PRH1: variants seen among roughly 807,000 people sequenced by gnomAD.
PRH1 encodes salivary acidic proline-rich phosphoprotein 1/2.
Under a neutral mutation model 7.9 loss-of-function variants are expected in PRH1, and 7 were observed. The observed-to-expected ratio is 0.89, with a 90% CI of 0.50 to 1.67. The LOEUF (loss-of-function observed/expected upper bound fraction) is 1.67. PRH1 is among the 40% of genes most tolerant of loss of function. The pLI, the probability that PRH1 is intolerant of heterozygous loss-of-function variation, is 0.00. For synonymous variants in PRH1, 45 were observed against 80.8 expected, an observed-to-expected ratio of 0.56 and a Z score of 2.38; for missense variants, 109 against 223.6, an observed-to-expected ratio of 0.49 and a Z score of 3.27.
At chr12:10,969,003 G>GGCTCCTGA (rs1938655099) in intron 2 of PRH1, among the ~76,000 whole-genome samples, 1 of 152,202 alleles carries the variant, frequency 6.6e-6, no homozygotes, top group South Asian at 2.1e-4. Context: ...CTGCATTCCT[G>GGCTCCTGA]GCTCCTGAGC....
chr12:11,170,237 C>A (rs1490030256), intron 1 of PRH1, among the ~76,000 whole-genome samples: 1 of 152,214 alleles, frequency 6.6e-6, no homozygotes, highest in Middle Eastern at 3.2e-3. Flanking sequence ...TGCTGTTACT[C>A]TAATGGTATT....
exon 1 of PRH1, chr12:11,171,438 T>C (rs1309409574): frequency 8.1e-7 from 1 of 1,232,036 alleles, no homozygotes; most frequent in Non-Finnish European, 1.0e-6. Context: ...CGGCGTCTTC[T>C]GCAAGGGGCT....
At chr12:11,045,506 T>C (rs985228811) in intron 1 of PRH1, among the ~76,000 whole-genome samples, 1 of 152,114 alleles carries the variant, frequency 6.6e-6, no homozygotes, top group Admixed American at 6.5e-5. Context: ...TGACATTGCA[T>C]GCCTGTATCA....
At chr12:11,014,255 A>G (rs372146389) in intron 1 of PRH1, among the ~76,000 whole-genome samples, 12 of 150,464 alleles carry the variant, frequency 8.0e-5, no homozygotes, top group African/African-American at 2.9e-4. Flanking sequence ...GCAGTCTGAT[A>G]TTTTCAGTTT....
At chr12:11,130,734 C>G (rs1379263842) in intron 1 of PRH1, among the ~76,000 whole-genome samples, 2 of 152,156 alleles carry the variant, frequency 1.3e-5, no homozygotes, top group African/African-American at 4.8e-5. Flanking sequence ...CCCTCTTCAG[C>G]AGAGGGAATG....
At chr12:10,928,889 A>G (rs527811340) in intron 2 of PRH1, among the ~76,000 whole-genome samples, 1 of 152,332 alleles carries the variant, frequency 6.6e-6, no homozygotes, top group Non-Finnish European at 1.5e-5. Context: ...AAACTCACAT[A>G]CACACAAATG....
intron 1 of PRH1, among the ~76,000 whole-genome samples, chr12:11,016,675 G>A (rs1941312640): frequency 6.6e-6 from 1 of 152,314 alleles, no homozygotes; most frequent in Non-Finnish European, 1.5e-5. Flanking sequence ...ATGCTACCTA[G>A]AGTTTTGACT....
chr12:10,899,532 A>T (rs1949695770), intron 2 of PRH1, among the ~76,000 whole-genome samples: 1 of 152,092 alleles, frequency 6.6e-6, no homozygotes, highest in African/African-American at 2.4e-5. Flanking sequence ...TAGGGGAATG[A>T]GTTGTTTTTC....
At position 11,081,105 on chromosome 12, in the gene PRH1, T is replaced by C. The variant is rs766253999; in HGVS notation, n.124-33917A>G. Among the ~76,000 whole-genome samples the C allele has an allele frequency of 1.9e-4, 22 of 116,716 alleles. 5 individuals carry two copies. Among genetic ancestry groups the C allele is most frequent in the Admixed American group, 3.4e-4 (4 of 11,650 alleles). The allele number at this position is 116,716 out of a possible 152,430, so 76.6% of individuals were successfully genotyped here. ...TTGCTCTATTTTCTCCCCTCTACTG[T>C]TACAGAACTCCAGAAGTATGTTAGG... On this transcript the variant is annotated intron_variant and non_coding_transcript_variant, in intron 1 of 4. Transcript: ENST00000541977.
intron 1 of PRH1, among the ~76,000 whole-genome samples, chr12:11,005,092 A>G (rs980875389): frequency 6.6e-6 from 1 of 152,124 alleles, no homozygotes; most frequent in African/African-American, 2.4e-5. Context: ...TGTTCTTTTT[A>G]AATTCTCTGA....
chr12:11,141,197 T>G (rs1027678633), intron 1 of PRH1, among the ~76,000 whole-genome samples: 17 of 152,202 alleles, frequency 1.1e-4, no homozygotes, highest in Non-Finnish European at 1.5e-4. Context: ...ATTTTCAATA[T>G]TTATCAAACT....
At chr12:11,108,290 A>G (rs913805142) in intron 1 of PRH1, among the ~76,000 whole-genome samples, 8 of 152,206 alleles carry the variant, frequency 5.3e-5, no homozygotes, top group Admixed American at 5.2e-4. Flanking sequence ...GACTAATATA[A>G]CACTGTAAAT....
At chr12:10,969,973 G>T (rs925327736) in intron 2 of PRH1, among the ~76,000 whole-genome samples, 4 of 152,104 alleles carry the variant, frequency 2.6e-5, no homozygotes, top group Admixed American at 6.5e-5. Context: ...GCTAATTTTT[G>T]TATTTTTAAG....
chr12:11,071,149 CA>C (rs1944049303), intron 1 of PRH1, among the ~76,000 whole-genome samples: 1 of 124,994 alleles, frequency 8.0e-6, no homozygotes, highest in Non-Finnish European at 1.9e-5. Context: ...TGAGAACTGA[CA>C]GTCAATTTGC....
intron 1 of PRH1, among the ~76,000 whole-genome samples, chr12:11,147,009 T>A (rs1350228854): frequency 1.3e-5 from 2 of 152,206 alleles, no homozygotes; most frequent in East Asian, 3.8e-4. Flanking sequence ...CTTACCTCCT[T>A]CTTTTTCCAA....
chr12:11,030,769 A>G (rs1327792596), intron 1 of PRH1: 2 of 1,614,214 alleles, frequency 1.2e-6, no homozygotes. Flanking sequence ...GCAGGGTCAG[A>G]GTGAAGGGCA....
chr12:11,124,546 TAC>T (rs1946039243), intron 1 of PRH1, among the ~76,000 whole-genome samples: 1 of 152,296 alleles, frequency 6.6e-6, no homozygotes, highest in Non-Finnish European at 1.5e-5. Context: ...TAAACTGCAC[TAC>T]ACTTAACTTT....
At chr12:10,992,832 T>C (rs1209178433) in intron 1 of PRH1, among the ~76,000 whole-genome samples, 1 of 152,198 alleles carries the variant, frequency 6.6e-6, no homozygotes, top group Non-Finnish European at 1.5e-5. Context: ...AAATTAACAG[T>C]TTCAACAGCT....
intron 1 of PRH1, among the ~76,000 whole-genome samples, chr12:11,056,877 T>A (rs76921350): frequency 6.6e-6 from 1 of 152,244 alleles, no homozygotes; most frequent in South Asian, 2.1e-4. Context: ...AGTTTTCTTA[T>A]GAGTTAACAT....
Sources: allele counts gnomAD v4.1 joint callset (sites outside exome capture counted in the v4.1 genomes callset), GRCh38; gene constraint gnomAD v4.1.1; transcripts MANE v1.5; gene names NCBI Gene and HGNC (gene_info 2026-07-23, HGNC 2026-07-21).